GABRB1: variants seen among roughly 807,000 people sequenced by gnomAD.
The protein encoded by GABRB1 is gamma-aminobutyric acid receptor subunit beta-1.
Under a neutral mutation model 51.6 loss-of-function variants are expected in GABRB1, and 17 were observed. The observed-to-expected ratio is 0.33, with a 90% CI of 0.23 to 0.49. The LOEUF (loss-of-function observed/expected upper bound fraction) is 0.49, where lower values mean the gene tolerates loss of function less well. Ranked by LOEUF, GABRB1 falls within the 20% of genes least tolerant of loss-of-function variation. The pLI is 0.99. For synonymous variants in GABRB1, 247 were observed against 218.9 expected (o/e 1.13, Z -1.14); for missense variants, 410 against 600.6 (o/e 0.68, Z 3.32).
chr4:47,248,639 C>CT (rs577260122), intron 4 of GABRB1, among the ~76,000 whole-genome samples: 20 of 151,040 alleles, frequency 1.3e-4, no homozygotes, highest in Admixed American at 2.0e-4. Flanking sequence ...TGGTCCTAGA[C>CT]TTTTTTTTTG....
At chr4:47,212,723 T>A (rs1288372770) in intron 4 of GABRB1, among the ~76,000 whole-genome samples, 3 of 152,104 alleles carry the variant, frequency 2.0e-5, no homozygotes, top group Admixed American at 6.6e-5. Flanking sequence ...CTTCTTTTCA[T>A]AAGACTACAT....
chr4:47,055,614 G>A (rs115663706), intron 3 of GABRB1, among the ~76,000 whole-genome samples: 3,662 of 152,258 alleles, frequency 0.024, 135 homozygotes, highest in African/African-American at 0.084. Context: ...TGAGAGGGAA[G>A]ATGTCTCACT....
rs141115179 is a variant in GABRB1, at chr4:47,127,767, T to C, written c.241-33482T>C. On this transcript the variant is annotated intron_variant, in intron 3 of 8. Transcript: ENST00000295454. ...AGAGCTTTTTGTGTCTCCAGTTACT[T>C]AACCTATAAAATAAGACTTAAAGTA... Among the ~76,000 whole-genome samples the C allele has an allele frequency of 2.6e-5, 4 of 152,026 alleles. No homozygotes were observed. In the East Asian group the frequency reaches 7.7e-4, roughly 29 times the overall value.
At chr4:47,191,972 C>G (rs1227318563) in intron 4 of GABRB1, among the ~76,000 whole-genome samples, 1 of 152,108 alleles carries the variant, frequency 6.6e-6, no homozygotes, top group East Asian at 1.9e-4. Context: ...CAAATTTTGA[C>G]TGGCCATTTA....
intron 1 of GABRB1, among the ~76,000 whole-genome samples, chr4:47,000,411 G>T (rs941040414): frequency 2.0e-5 from 3 of 152,144 alleles, no homozygotes; most frequent in Non-Finnish European, 4.4e-5. Flanking sequence ...TGGTGGTCAG[G>T]ACTTAGGTGT....
At chr4:47,388,626 G>T (rs937348964) in intron 5 of GABRB1, among the ~76,000 whole-genome samples, 18 of 152,204 alleles carry the variant, frequency 1.2e-4, no homozygotes, top group Admixed American at 1.0e-3. Flanking sequence ...TTAACCTTGG[G>T]GACAGGTCTG....
intron 4 of GABRB1, among the ~76,000 whole-genome samples, chr4:47,225,239 A>G (rs1720906270): frequency 6.6e-6 from 1 of 152,152 alleles, no homozygotes; most frequent in East Asian, 1.9e-4. Flanking sequence ...AGGTGCTCAG[A>G]TGGAACCATA....
intron 5 of GABRB1, among the ~76,000 whole-genome samples, chr4:47,381,933 G>A (rs112213390): frequency 1.4e-4 from 22 of 152,272 alleles, no homozygotes; most frequent in African/African-American, 5.1e-4. Flanking sequence ...TGTCAGATGC[G>A]AATTTCCCCT....
rs142029714 is a variant in GABRB1, at chr4:47,227,522, G to C, written c.461+66053G>C. On this transcript the variant is annotated intron_variant, in intron 4 of 8. Transcript: ENST00000295454. Reference sequence around the variant, plus strand: ...AAGAATTAGATAGAGAATCTGAACTGCGGTGAAGTTATAACCAAGGAATTA... The same window carrying C: ...AAGAATTAGATAGAGAATCTGAACTCCGGTGAAGTTATAACCAAGGAATTA... 4.2e-3 allele frequency among the ~76,000 whole-genome samples: 642 copies of C among 152,240 alleles called. 8 individuals are homozygous for C. Among genetic ancestry groups the C allele is most frequent in the African/African-American group, 0.014 (588 of 41,560 alleles).
At chr4:47,050,967 G>C (rs924975243) in intron 3 of GABRB1, among the ~76,000 whole-genome samples, 1 of 152,016 alleles carries the variant, frequency 6.6e-6, no homozygotes, top group African/African-American at 2.4e-5. Context: ...GCCCACCCTG[G>C]GTTCTGGCTC....
chr4:47,366,658 C>G (rs552640385), intron 5 of GABRB1, among the ~76,000 whole-genome samples: 3 of 152,250 alleles, frequency 2.0e-5, no homozygotes, highest in East Asian at 3.9e-4. Context: ...CATTATCCCC[C>G]CTTTTGAAAC....
At chr4:47,083,731 T>C (rs1469555957) in intron 3 of GABRB1, among the ~76,000 whole-genome samples, 1 of 152,182 alleles carries the variant, frequency 6.6e-6, no homozygotes, top group Non-Finnish European at 1.5e-5. Context: ...GAATTATGGC[T>C]CCTATCTTTG....
intron 4 of GABRB1, among the ~76,000 whole-genome samples, chr4:47,220,650 A>G (rs922463688): frequency 2.0e-5 from 3 of 152,032 alleles, no homozygotes; most frequent in Admixed American, 2.0e-4. Context: ...CCAGCCTGCT[A>G]TCCAGAAAAG....
intron 5 of GABRB1, among the ~76,000 whole-genome samples, chr4:47,323,589 A>G (rs1465385201): frequency 6.6e-6 from 1 of 152,206 alleles, no homozygotes; most frequent in Non-Finnish European, 1.5e-5. Context: ...CTCTAGTGTC[A>G]GTCGGGAAAT....
chr4:47,315,610 G>A (rs1578088422), intron 4 of GABRB1, among the ~76,000 whole-genome samples: 1 of 151,958 alleles, frequency 6.6e-6, no homozygotes, highest in African/African-American at 2.4e-5. Flanking sequence ...ATTCACAATA[G>A]CAAGGGCATG....
intron 5 of GABRB1, among the ~76,000 whole-genome samples, chr4:47,400,185 A>G (rs7692548): frequency 3.3e-5 from 5 of 152,164 alleles, no homozygotes; most frequent in African/African-American, 1.2e-4. Context: ...TTTATCTAAG[A>G]CATTTCATAT....
At chr4:47,407,007 C>G in intron 8 of GABRB1, 81 bp downstream of exon 8, 1 of 1,321,978 alleles carries the variant, frequency 7.6e-7, no homozygotes, top group East Asian at 2.4e-5. Flanking sequence ...AACTTAAAAA[C>G]GATTAATAAA....
chr4:47,076,372 A>G (rs1727549820), intron 3 of GABRB1, among the ~76,000 whole-genome samples: 1 of 152,184 alleles, frequency 6.6e-6, no homozygotes, highest in Admixed American at 6.5e-5. Context: ...AGCTCAGACT[A>G]AGCAAGAATT....
intron 1 of GABRB1, among the ~76,000 whole-genome samples, chr4:47,004,588 A>G (rs969322752): frequency 6.6e-6 from 1 of 152,188 alleles, no homozygotes; most frequent in African/African-American, 2.4e-5. Flanking sequence ...TAAAGGATAT[A>G]CTTTAGGGTT....
Sources: allele counts gnomAD v4.1 joint callset (sites outside exome capture counted in the v4.1 genomes callset), GRCh38; gene constraint gnomAD v4.1.1; transcripts MANE v1.5; gene names NCBI Gene and HGNC (gene_info 2026-07-23, HGNC 2026-07-21).